Variants in PALS1 observed in about 807,000 individuals in gnomAD.
The protein encoded by PALS1 is protein associated with LIN7 1, MAGUK p55 family member, also known as protein PALS1.
In PALS1, 31 loss-of-function variants were observed where a neutral mutation model predicts 78.9. The observed-to-expected ratio is 0.39, with a 90% CI of 0.30 to 0.53. The LOEUF (loss-of-function observed/expected upper bound fraction) is 0.53. PALS1 is among the 20% of genes least tolerant of loss of function. The pLI, the probability that PALS1 is intolerant of heterozygous loss-of-function variation, is 0.67. For synonymous variants in PALS1, 276 were observed against 270.9 expected, an observed-to-expected ratio of 1.02 and a Z score of -0.18; for missense variants, 704 against 826.5, an observed-to-expected ratio of 0.85 and a Z score of 1.82.
At chr14:67,330,007 AT>A (rs1241047087) in intron 14 of PALS1, among the ~76,000 whole-genome samples, 1 of 151,124 alleles carries the variant, frequency 6.6e-6, no homozygotes, top group African/African-American at 2.4e-5. Context: ...TAAAGATGTG[AT>A]TTTTTTCTTG....
intron 14 of PALS1, among the ~76,000 whole-genome samples, chr14:67,326,154 G>A (rs934070428): frequency 1.4e-5 from 2 of 142,864 alleles, no homozygotes; most frequent in Non-Finnish European, 3.0e-5. Context: ...GTCTCTGGCC[G>A]TGTTCTAATG....
chr14:67,312,386 TG>T, intron 8 of PALS1, 140 bp from the exon 9 acceptor site: 1 of 543,448 alleles, frequency 1.8e-6, no homozygotes, highest in Non-Finnish European at 2.9e-6. Flanking sequence ...GAGATTATCC[TG>T]GACAACATAC....
chr14:67,276,403 A>G (rs1253092876), intron 2 of PALS1, among the ~76,000 whole-genome samples: 1 of 152,086 alleles, frequency 6.6e-6, no homozygotes, highest in Non-Finnish European at 1.5e-5. Flanking sequence ...TATCTGGCTA[A>G]TTTTTAGTTG....
chr14:67,301,477 G>C lies in PALS1; in HGVS notation c.654+11G>C. 1 of 1,590,804 alleles carries C rather than the reference G, an allele frequency of 6.3e-7. No homozygotes were observed. Among genetic ancestry groups the C allele is most frequent in the Non-Finnish European group, 8.6e-7 (1 of 1,161,466 alleles). Reference sequence around the variant, plus strand: ...ACTCCACATATTCAGGTAGAAAATGGACAGAATACTATATATGTGGTTTTT... The same window carrying C: ...ACTCCACATATTCAGGTAGAAAATGCACAGAATACTATATATGTGGTTTTT... On this transcript the variant is annotated intron_variant, in intron 5 of 14. Transcript: ENST00000261681.
At chr14:67,272,030 C>T (rs2084415237) in intron 2 of PALS1, 1 of 148,264 alleles carries the variant, frequency 6.7e-6, no homozygotes, top group African/African-American at 2.5e-5. Flanking sequence ...GGGATCGTGC[C>T]ATTGCACTCA....
At chr14:67,260,071 A>G (rs1330487203) in intron 1 of PALS1, among the ~76,000 whole-genome samples, 1 of 152,216 alleles carries the variant, frequency 6.6e-6, no homozygotes, top group African/African-American at 2.4e-5. Context: ...AAAGGAAAAT[A>G]TTAGTTTAAT....
At chr14:67,314,004 C>A (rs1343913593) in intron 9 of PALS1, among the ~76,000 whole-genome samples, 1 of 151,528 alleles carries the variant, frequency 6.6e-6, no homozygotes, top group African/African-American at 2.4e-5. Flanking sequence ...TCTGCCAGAA[C>A]TGCTGTTTCT....
At chr14:67,332,277 A>G (rs543119282) in intron 14 of PALS1, among the ~76,000 whole-genome samples, 2 of 152,298 alleles carry the variant, frequency 1.3e-5, no homozygotes, top group Admixed American at 6.5e-5. Context: ...AGGCTACTCT[A>G]TATAGTTTCC....
chr14:67,332,914 T>G lies in PALS1; in HGVS notation c.1986T>G (p.Leu662=), dbSNP rs1417310234. 8.7e-6 allele frequency: 14 copies of G among 1,613,746 alleles called. No homozygotes were observed. Among genetic ancestry groups the G allele is most frequent in the Admixed American group, 1.7e-5 (1 of 59,992 alleles). ...YQELLRLINK[L]DTEPQWVPST... is the part of the protein sequence containing the mutation. Reference sequence around the variant, plus strand: ...AATTGCTTAGGTTAATTAACAAACTTGATACTGAACCTCAGTGGGTACCAT... The same window carrying G: ...AATTGCTTAGGTTAATTAACAAACTGGATACTGAACCTCAGTGGGTACCAT... The change falls in exon 15 of 15, where the codon CTT becomes CTG. Residue 662 remains leucine (L), a synonymous_variant. Coordinates refer to ENST00000261681, the MANE Select transcript of PALS1 (RefSeq NM_022474.4).
intron 1 of PALS1, among the ~76,000 whole-genome samples, chr14:67,266,254 CTT>C (rs954227274): frequency 5.3e-5 from 8 of 152,020 alleles, no homozygotes; most frequent in African/African-American, 1.7e-4. Context: ...ATCATGGGGA[CTT>C]TATTTTTGTT....
intron 8 of PALS1, among the ~76,000 whole-genome samples, chr14:67,308,072 C>CT (rs1364227079): frequency 6.6e-6 from 1 of 151,944 alleles, no homozygotes; most frequent in Non-Finnish European, 1.5e-5. Context: ...ACACTAGGGT[C>CT]TTTCAGAGGG....
At position 67,299,215 on chromosome 14, in the gene PALS1, G is replaced by A. The variant is rs144484533; in HGVS notation, c.577-2174G>A. Among the ~76,000 whole-genome samples the A allele has an allele frequency of 4.6e-3, 705 of 152,152 alleles. 5 individuals are homozygous for A. The highest frequency in any genetic ancestry group is 0.016 in the African/African-American group (671 of 41,518). ...TTTCTCTATCTTTTGTGAAATATCCGGTTAGATCTTATTTCCATTTTAATC... is the reference window on the plus strand; with the variant it reads ...TTTCTCTATCTTTTGTGAAATATCCAGTTAGATCTTATTTCCATTTTAATC... On this transcript the variant is annotated intron_variant, in intron 4 of 14. Transcript: ENST00000261681.
In PALS1 at chr14:67,298,532, C is replaced by T. The variant is rs142231140; in HGVS notation, c.577-2857C>T. Among the ~76,000 whole-genome samples the T allele has an allele frequency of 2.7e-5, 4 of 150,534 alleles. No homozygotes were observed. In the East Asian group the frequency reaches 5.8e-4, roughly 22 times the overall value. ...CTCCGTCTCAAAAAAAAAAAAAATA[C>T]TATTATAAAAACTATGAGTAGCGTG... On this transcript the variant is annotated intron_variant, in intron 4 of 14. Coordinates refer to ENST00000261681, the MANE Select transcript of PALS1 (RefSeq NM_022474.4).
At chr14:67,273,886 T>A (rs1374024399) in intron 2 of PALS1, among the ~76,000 whole-genome samples, 1 of 152,232 alleles carries the variant, frequency 6.6e-6, no homozygotes, top group Non-Finnish European at 1.5e-5. Context: ...TAATGAGCAT[T>A]TTTTCATGTG....
In PALS1 at chr14:67,333,272, A is replaced by G. The variant is rs2085478300; in HGVS notation, c.*316A>G. On this transcript the variant is annotated 3_prime_UTR_variant, in exon 15 of 15. Transcript: ENST00000261681. ...ACCTAAACCCTTTCTGCTTAGTTGT[A>G]TCTCTGTGAAAAACTTGTATACACA... 1 of 196,930 alleles carries G rather than the reference A, an allele frequency of 5.1e-6. No homozygotes were observed. 12.2% of individuals were successfully genotyped at this position (196,930 alleles called of 1,614,324 possible). A position where few individuals can be genotyped will look rare whatever the true frequency, so the allele number is the denominator to read the frequency against.
At chr14:67,247,787 C>T (rs1049409445) in intron 1 of PALS1, among the ~76,000 whole-genome samples, 4 of 152,058 alleles carry the variant, frequency 2.6e-5, no homozygotes, top group African/African-American at 9.7e-5. Flanking sequence ...CCATGTTGCC[C>T]AGGCTGGTCT....
chr14:67,273,979 T>C (rs1215073703), intron 2 of PALS1, among the ~76,000 whole-genome samples: 1 of 152,228 alleles, frequency 6.6e-6, no homozygotes, highest in Non-Finnish European at 1.5e-5. Context: ...GTTTGATTTT[T>C]TCTTGGAAAT....
chr14:67,316,933 T>C (rs1210918279), intron 10 of PALS1, 30 bp downstream of exon 10: 5 of 1,561,750 alleles, frequency 3.2e-6, no homozygotes, highest in Admixed American at 3.5e-5. Context: ...CATAAGTAAA[T>C]GGTTTCTTGG....
intron 14 of PALS1, among the ~76,000 whole-genome samples, chr14:67,328,787 T>C (rs892272586): frequency 2.0e-5 from 3 of 152,220 alleles, no homozygotes; most frequent in African/African-American, 7.2e-5. Context: ...CAGATGGTTG[T>C]AGATGTGTGG....
Sources: allele counts gnomAD v4.1 joint callset (sites outside exome capture counted in the v4.1 genomes callset), GRCh38; gene constraint gnomAD v4.1.1; transcripts MANE v1.5; gene names NCBI Gene and HGNC (gene_info 2026-07-23, HGNC 2026-07-21).